SP4: variants seen among roughly 807,000 people sequenced by gnomAD.
The protein encoded by SP4 is Sp4 transcription factor.
In SP4, 19 loss-of-function variants were observed where a neutral mutation model predicts 72.8. The observed-to-expected ratio is 0.26, with a 90% CI of 0.18 to 0.38. The LOEUF is 0.38. SP4 is among the 10% of genes least tolerant of loss of function. The probability of loss-of-function intolerance (pLI) is 1.00; values close to 1 mark genes in which losing one functional copy is unlikely to be tolerated. For synonymous variants in SP4, 395 were observed against 333.1 expected, an observed-to-expected ratio of 1.19 and a Z score of -2.02; for missense variants, 1,008 against 926.3, an observed-to-expected ratio of 1.09 and a Z score of -1.14.
intron 5 of SP4, among the ~76,000 whole-genome samples, chr7:21,501,251 C>T (rs1009732549): frequency 5.3e-5 from 8 of 152,166 alleles, no homozygotes; most frequent in South Asian, 2.1e-4. Context: ...GTGCGTGAGC[C>T]GTGCAGTTTG....
chr7:21,478,080 CTT>C (rs1478453075), intron 4 of SP4, among the ~76,000 whole-genome samples: 5 of 152,118 alleles, frequency 3.3e-5, no homozygotes, highest in Admixed American at 1.3e-4. Context: ...TAATTTCTGT[CTT>C]TATAGATTTG....
At chr7:21,432,285 C>T (rs1282536816) in intron 3 of SP4, among the ~76,000 whole-genome samples, 1 of 152,174 alleles carries the variant, frequency 6.6e-6, no homozygotes, top group Non-Finnish European at 1.5e-5. Flanking sequence ...GGATTACAAT[C>T]CTTAACTTGC....
intron 4 of SP4, among the ~76,000 whole-genome samples, chr7:21,481,117 C>T (rs900886393): frequency 6.6e-6 from 1 of 152,124 alleles, no homozygotes; most frequent in South Asian, 2.1e-4. Flanking sequence ...ACCTGGACCC[C>T]AGTATTTTCA....
intron 3 of SP4, among the ~76,000 whole-genome samples, chr7:21,447,935 C>T (rs1044883563): frequency 3.3e-5 from 5 of 152,166 alleles, no homozygotes; most frequent in Admixed American, 6.5e-5. Flanking sequence ...CCTCTCGCTT[C>T]GGCCTCCCAA....
intron 5 of SP4, among the ~76,000 whole-genome samples, chr7:21,486,272 A>G (rs1355419601): frequency 6.6e-5 from 10 of 151,938 alleles, no homozygotes; most frequent in Non-Finnish European, 1.5e-5. Flanking sequence ...CAAAGCTAGC[A>G]TAGAGTTCGC....
At chr7:21,478,766 C>T (rs1475440201) in intron 4 of SP4, among the ~76,000 whole-genome samples, 2 of 152,030 alleles carry the variant, frequency 1.3e-5, no homozygotes, top group African/African-American at 4.8e-5. Flanking sequence ...ATCAGATATA[C>T]AATTTGAAAA....
At chr7:21,480,668 A>T (rs1279394081) in intron 4 of SP4, among the ~76,000 whole-genome samples, 1 of 152,154 alleles carries the variant, frequency 6.6e-6, no homozygotes, top group Non-Finnish European at 1.5e-5. Context: ...TTTCCCAAGA[A>T]TCTCAATATT....
At position 21,430,178 on chromosome 7, in the gene SP4, T is replaced by C. The variant is rs200741627; in HGVS notation, c.1013T>C (p.Leu338Ser). The change falls in exon 3 of 6, where the codon TTA becomes TCA. Residue 338 changes from leucine (L) to serine (S), a missense_variant. Physicochemically the swap from Leu to Ser is moderately radical, Grantham distance 145 (BLOSUM62 -2). Transcript: ENST00000222584. ...ASTSLTSSDTLVSSADTGQYA... is the reference protein window; with the variant it reads ...ASTSLTSSDTSVSSADTGQYA... ...ACGTCTTTGACAAGCAGTGACACAT[T>C]AGTGAGCTCAGCAGATACTGGCCAG... is the stretch of plus-strand genomic sequence containing the variant. 2 of 1,614,118 alleles carry C rather than the reference T, an allele frequency of 1.2e-6. No individual in the cohort carries two copies. The highest frequency in any genetic ancestry group is 2.2e-5 in the South Asian group (2 of 91,076).
intron 5 of SP4, among the ~76,000 whole-genome samples, chr7:21,490,191 T>C (rs1192853907): frequency 1.3e-5 from 2 of 152,204 alleles, no homozygotes; most frequent in African/African-American, 4.8e-5. Context: ...TGAATAACAG[T>C]GTATCATATG....
At chr7:21,488,257 C>T (rs1784875544) in intron 5 of SP4, among the ~76,000 whole-genome samples, 1 of 152,102 alleles carries the variant, frequency 6.6e-6, no homozygotes, top group Non-Finnish European at 1.5e-5. Flanking sequence ...GCTGTGCAAC[C>T]ATGTTTTTTT....
chr7:21,456,160 G>T (rs1339234754), intron 3 of SP4, among the ~76,000 whole-genome samples: 1 of 152,134 alleles, frequency 6.6e-6, no homozygotes, highest in Admixed American at 6.5e-5. Context: ...AGCACTTGGG[G>T]CTTGGGGTGA....
chr7:21,504,391 C>T (rs529613241), intron 5 of SP4, among the ~76,000 whole-genome samples: 12 of 152,214 alleles, frequency 7.9e-5, no homozygotes, highest in East Asian at 5.8e-4. Flanking sequence ...GCTTTATGGC[C>T]GGGTTAAGAC....
At chr7:21,428,560 C>CG (rs1782707376) in intron 1 of SP4, 117 bp from the exon 2 acceptor site, 4 of 1,058,824 alleles carry the variant, frequency 3.8e-6, no homozygotes, top group Non-Finnish European at 5.4e-6. Flanking sequence ...GCGTGGATCG[C>CG]GGGTTTATGG....
chr7:21,462,857 T>C (rs1293823579), intron 3 of SP4, among the ~76,000 whole-genome samples: 4 of 152,080 alleles, frequency 2.6e-5, no homozygotes, highest in African/African-American at 9.7e-5. Flanking sequence ...GACTTGAGAG[T>C]ATTGAGAAAA....
At chr7:21,488,903 T>C (rs1172641184) in intron 5 of SP4, among the ~76,000 whole-genome samples, 2 of 152,254 alleles carry the variant, frequency 1.3e-5, no homozygotes, top group African/African-American at 4.8e-5. Flanking sequence ...AATATTTTAT[T>C]GTAGATACTT....
chr7:21,461,297 G>A (rs1293756685), intron 3 of SP4, among the ~76,000 whole-genome samples: 2 of 152,088 alleles, frequency 1.3e-5, no homozygotes, highest in African/African-American at 2.4e-5. Context: ...ACGGGGGTTG[G>A]GGGAGACTCA....
intron 5 of SP4, among the ~76,000 whole-genome samples, chr7:21,510,394 A>C (rs190916795): frequency 6.6e-6 from 1 of 152,314 alleles, no homozygotes; most frequent in Admixed American, 6.5e-5. Context: ...ATTCCAAAAC[A>C]AAGAAGTCGG....
At chr7:21,496,487 A>C (rs997776826) in intron 5 of SP4, among the ~76,000 whole-genome samples, 2 of 152,178 alleles carry the variant, frequency 1.3e-5, no homozygotes, top group African/African-American at 4.8e-5. Context: ...TCATTTCATA[A>C]ATAAGTAAAC....
At chr7:21,476,215 A>G (rs1784495504) in intron 3 of SP4, among the ~76,000 whole-genome samples, 1 of 139,692 alleles carries the variant, frequency 7.2e-6, no homozygotes, top group Non-Finnish European at 1.5e-5. Flanking sequence ...TGGAGGTTGC[A>G]GTGAGCCGAG....
Sources: allele counts gnomAD v4.1 joint callset (sites outside exome capture counted in the v4.1 genomes callset), GRCh38; gene constraint gnomAD v4.1.1; transcripts MANE v1.5; gene names NCBI Gene and HGNC (gene_info 2026-07-23, HGNC 2026-07-21).